MGA: variants seen among roughly 807,000 people sequenced by gnomAD.
MGA encodes MAX dimerization protein MGA.
MGA carries 40 observed loss-of-function variants against 261.1 expected under a neutral mutation model. The observed-to-expected ratio is 0.15, with a 90% CI of 0.12 to 0.20. The LOEUF is 0.20. MGA is among the 10% of genes least tolerant of loss of function. The pLI is 1.00. For synonymous variants in MGA, 1,302 were observed against 1,290.6 expected (o/e 1.01, Z -0.19); for missense variants, 3,397 against 3,630.5 (o/e 0.94, Z 1.65).
intron 2 of MGA, among the ~76,000 whole-genome samples, chr15:41,685,816 C>A (rs990371302): frequency 1.3e-5 from 2 of 151,712 alleles, no homozygotes; most frequent in Non-Finnish European, 2.9e-5. Context: ...TCCTGGCTAA[C>A]ACGGTGAAAC....
intron 18 of MGA, among the ~76,000 whole-genome samples, chr15:41,755,785 G>A (rs548534711): frequency 2.0e-5 from 3 of 152,328 alleles, no homozygotes; most frequent in South Asian, 4.1e-4. Context: ...TTGGGAGGCC[G>A]AGGTGGGTGG....
intron 2 of MGA, among the ~76,000 whole-genome samples, chr15:41,670,661 A>G (rs1438253828): frequency 6.6e-6 from 1 of 151,800 alleles, no homozygotes. Context: ...GCCCGTCACC[A>G]CGCCCGGCTA....
At chr15:41,672,223 G>A (rs1159974341) in intron 2 of MGA, among the ~76,000 whole-genome samples, 5 of 152,254 alleles carry the variant, frequency 3.3e-5, no homozygotes, top group Middle Eastern at 3.4e-3. Context: ...GTGCATTCAC[G>A]GCTCACTGCA....
chr15:41,753,417 C>T (rs1178403076), intron 17 of MGA, among the ~76,000 whole-genome samples: 1 of 151,014 alleles, frequency 6.6e-6, no homozygotes, highest in African/African-American at 2.4e-5. Flanking sequence ...ATGTTGCAAG[C>T]AAATACTATT....
intron 9 of MGA, among the ~76,000 whole-genome samples, chr15:41,726,154 G>A (rs2061236984): frequency 6.6e-6 from 1 of 152,116 alleles, no homozygotes; most frequent in Admixed American, 6.5e-5. Context: ...ATTACAATTT[G>A]TTATTAGAAT....
chr15:41,634,154 A>G (rs947357988), intron 1 of MGA, among the ~76,000 whole-genome samples: 1 of 152,064 alleles, frequency 6.6e-6, no homozygotes, highest in Non-Finnish European at 1.5e-5. Context: ...AACACACCAT[A>G]TTACATCATG....
rs191197877 is a variant in MGA at position 41,715,635 on chromosome 15, G to C, written c.3430+2139G>C. ...TATTGAGAAATATACTTTTCCTACT[G>C]AATTAAAATGTCACCTGTAATATAA... On this transcript the variant is annotated intron_variant, in intron 9 of 23. Transcript: ENST00000219905. Among the ~76,000 whole-genome samples, 213 of 152,072 alleles carry C rather than the reference G, an allele frequency of 1.4e-3. 1 individual carries two copies. The highest frequency in any genetic ancestry group is 4.8e-3 in the African/African-American group (201 of 41,484).
At chr15:41,673,955 G>A (rs748011947) in intron 2 of MGA, among the ~76,000 whole-genome samples, 1 of 151,936 alleles carries the variant, frequency 6.6e-6, no homozygotes, top group African/African-American at 2.4e-5. Context: ...GCAGTGGCGC[G>A]ATCTCGACTC....
intron 9 of MGA, among the ~76,000 whole-genome samples, chr15:41,726,739 AAAAAAAT>A (rs911240173): frequency 3.7e-5 from 5 of 134,806 alleles, no homozygotes; most frequent in Non-Finnish European, 6.8e-5. Context: ...AAAAAAAAAA[AAAAAAAT>A]TTTTTTTCAG....
intron 10 of MGA, 89 bp downstream of exon 10, chr15:41,727,495 G>A (rs1217981811): frequency 7.9e-7 from 1 of 1,273,882 alleles, no homozygotes; most frequent in East Asian, 2.3e-5. Flanking sequence ...TTGATATTTT[G>A]TGAATCATTT....
At chr15:41,657,988 C>T (rs998035834), upstream of MGA, among the ~76,000 whole-genome samples, 1 of 152,104 alleles carries the variant, frequency 6.6e-6, no homozygotes, top group Non-Finnish European at 1.5e-5. Flanking sequence ...GGGTGCCAGC[C>T]TTTCCCCTAT....
Position 41,718,461 on chromosome 15 carries a change from C to T in MGA, c.3430+4965C>T, listed in dbSNP as rs540322935. The T allele has an allele frequency of 9.4e-5, 83 of 879,450 alleles. 1 individual carries two copies. The highest frequency in any genetic ancestry group is 1.4e-4 in the Non-Finnish European group (76 of 536,244). 54.5% of individuals were successfully genotyped at this position (879,450 alleles called of 1,614,324 possible). A position where few individuals can be genotyped will look rare whatever the true frequency, so the allele number is the denominator to read the frequency against. On this transcript the variant is annotated intron_variant, in intron 9 of 23. Coordinates refer to ENST00000219905, the MANE Select transcript of MGA (RefSeq NM_001164273.2). ...GAGCTGAGGAATAGCTTTGATTTTT[C>T]GTACAATTTGTGAGTCCACAGCTTT... is the stretch of plus-strand genomic sequence containing the variant.
At position 41,748,892 on chromosome 15, in the gene MGA, A is replaced by C. The variant is rs61736071; in HGVS notation, c.5468A>C (p.Gln1823Pro). 2 of 1,613,774 alleles carry C rather than the reference A, an allele frequency of 1.2e-6. No individual in the cohort carries two copies. Among genetic ancestry groups the C allele is most frequent in the African/African-American group, 2.7e-5 (2 of 74,924 alleles). ...CATCAGCTTCGAGGCTCTAATACCC[A>C]GCCCAACTTACAGCCTGTCATGTTT... The change falls in exon 16 of 24, where the codon CAG becomes CCG. Residue 1823 changes from glutamine (Q) to proline (P), a missense_variant. Physicochemically the swap from Gln to Pro is moderately conservative, Grantham distance 76. Coordinates refer to ENST00000219905, the MANE Select transcript of MGA (RefSeq NM_001164273.2).
intron 2 of MGA, among the ~76,000 whole-genome samples, chr15:41,676,204 A>T (rs1313060634): frequency 4.0e-5 from 6 of 151,396 alleles, no homozygotes; most frequent in African/African-American, 1.5e-4. Context: ...TTTTTTTGAG[A>T]CGAAGTCTCG....
intron 2 of MGA, among the ~76,000 whole-genome samples, chr15:41,670,447 A>G (rs78424613): frequency 0.033 from 4,987 of 152,278 alleles, 138 homozygotes; most frequent in South Asian, 0.07. Flanking sequence ...AGAGACTGAA[A>G]GATGTTGGTC....
chr15:41,629,677 C>A (rs2056545868), intron 1 of MGA, among the ~76,000 whole-genome samples: 1 of 151,114 alleles, frequency 6.6e-6, no homozygotes, highest in Non-Finnish European at 1.5e-5. Context: ...TACAATGAGC[C>A]ATGATCATGC....
intron 2 of MGA, among the ~76,000 whole-genome samples, chr15:41,685,466 G>A (rs2058904579): frequency 6.6e-6 from 1 of 152,022 alleles, no homozygotes; most frequent in Admixed American, 6.6e-5. Context: ...TAAATTTTGA[G>A]TCAGCTTTTC....
chr15:41,710,593 C>A, intron 7 of MGA, 98 bp from the exon 8 acceptor site: 2 of 1,194,198 alleles, frequency 1.7e-6, no homozygotes, highest in Non-Finnish European at 2.3e-6. Context: ...GATTCACTAT[C>A]TTGTAGCTCA....
upstream of MGA, among the ~76,000 whole-genome samples, chr15:41,658,336 C>T (rs912253796): frequency 1.3e-5 from 2 of 151,976 alleles, no homozygotes; most frequent in Admixed American, 6.6e-5. Flanking sequence ...TATATGGATG[C>T]CTTTTAAAGG....
Sources: allele counts gnomAD v4.1 joint callset (sites outside exome capture counted in the v4.1 genomes callset), GRCh38; gene constraint gnomAD v4.1.1; transcripts MANE v1.5; gene names NCBI Gene and HGNC (gene_info 2026-07-23, HGNC 2026-07-21).